DRC8: variants seen among roughly 807,000 people sequenced by gnomAD.
The protein encoded by DRC8 is dynein regulatory complex subunit 8.
the DRC8 span, among the ~76,000 whole-genome samples, chr1:244,998,068 C>T: frequency 6.6e-6 from 1 of 152,170 alleles, no homozygotes; most frequent in Non-Finnish European, 1.5e-5. Context: ...GTGACCTTCA[C>T]TTCCACTTCT....
At chr1:244,989,289 AC>A in the DRC8 span, among the ~76,000 whole-genome samples, 8 of 152,266 alleles carry the variant, frequency 5.3e-5, no homozygotes, top group East Asian at 1.2e-3. Flanking sequence ...CTTAATTTTT[AC>A]CTAATGTCCT....
the DRC8 span, among the ~76,000 whole-genome samples, chr1:245,108,549 C>A: frequency 6.6e-6 from 1 of 152,172 alleles, no homozygotes; most frequent in Non-Finnish European, 1.5e-5. Context: ...CTCCCAGTAG[C>A]CTCATTCATC....
the DRC8 span, among the ~76,000 whole-genome samples, chr1:245,030,131 A>T: frequency 6.6e-6 from 1 of 152,196 alleles, no homozygotes; most frequent in Non-Finnish European, 1.5e-5. Flanking sequence ...CTTAATGCAA[A>T]TGCACCACAA....
chr1:245,102,609 C>G, the DRC8 span, among the ~76,000 whole-genome samples: 1 of 152,216 alleles, frequency 6.6e-6, no homozygotes, highest in East Asian at 1.9e-4. Context: ...CTTGGCCTCC[C>G]AAAGTGCTGG....
At chr1:245,028,736 T>G in the DRC8 span, among the ~76,000 whole-genome samples, 1 of 152,192 alleles carries the variant, frequency 6.6e-6, no homozygotes, top group Non-Finnish European at 1.5e-5. Flanking sequence ...TTCACATGTT[T>G]AAATCCAAAG....
chr1:245,043,970 G>A, the DRC8 span: 5 of 152,250 alleles, frequency 3.3e-5, no homozygotes, highest in African/African-American at 7.2e-5. Flanking sequence ...GAACAACATC[G>A]AGAAGATGAG....
chr1:245,020,551 A>C, the DRC8 span, among the ~76,000 whole-genome samples: 25 of 151,436 alleles, frequency 1.7e-4, no homozygotes, highest in Non-Finnish European at 2.1e-4. Context: ...TAATAAATTT[A>C]AGACAGTATT....
At chr1:245,062,355 T>C in the DRC8 span, among the ~76,000 whole-genome samples, 1 of 152,254 alleles carries the variant, frequency 6.6e-6, no homozygotes, top group East Asian at 1.9e-4. Flanking sequence ...GCAAATACTT[T>C]CTGCCTTTTG....
At chr1:245,043,774 C>T in the DRC8 span, among the ~76,000 whole-genome samples, 5 of 152,210 alleles carry the variant, frequency 3.3e-5, no homozygotes. Flanking sequence ...TTTTGACTCT[C>T]AGCGTCAGTG....
chr1:244,980,040 T>C, the DRC8 span, among the ~76,000 whole-genome samples: 1 of 34,758 alleles, frequency 2.9e-5, no homozygotes, highest in Non-Finnish European at 4.7e-5. Flanking sequence ...CCGTCTCTAC[T>C]AAAAAAAAAA....
At chr1:244,989,493 G>A in the DRC8 span, among the ~76,000 whole-genome samples, 1 of 152,126 alleles carries the variant, frequency 6.6e-6, no homozygotes, top group South Asian at 2.1e-4. Context: ...GGTGGAATGG[G>A]ATTTTAGGAG....
At chr1:245,084,882 T>C in the DRC8 span, among the ~76,000 whole-genome samples, 3 of 152,220 alleles carry the variant, frequency 2.0e-5, no homozygotes, top group Admixed American at 6.5e-5. Flanking sequence ...CCGTCACAGC[T>C]GCCACCCAAG....
At chr1:244,994,270 G>A in the DRC8 span, among the ~76,000 whole-genome samples, 1 of 152,048 alleles carries the variant, frequency 6.6e-6, no homozygotes, top group Admixed American at 6.6e-5. Flanking sequence ...TTTAGTTCAG[G>A]CTTAAGGTGT....
the DRC8 span, among the ~76,000 whole-genome samples, chr1:244,991,064 G>A: frequency 6.6e-6 from 1 of 152,132 alleles, no homozygotes; most frequent in South Asian, 2.1e-4. Flanking sequence ...CTGATTAAAG[G>A]TAGTGGATCC....
At chr1:245,094,229 A>G in the DRC8 span, among the ~76,000 whole-genome samples, 1 of 152,122 alleles carries the variant, frequency 6.6e-6, no homozygotes, top group Non-Finnish European at 1.5e-5. Flanking sequence ...TTCTTACACA[A>G]CATGATGAAG....
At chr1:244,985,679 TGTG>T in the DRC8 span, among the ~76,000 whole-genome samples, 1 of 151,772 alleles carries the variant, frequency 6.6e-6, no homozygotes, top group Non-Finnish European at 1.5e-5. Context: ...GCCTGGCTAA[TGTG>T]GTGAAACCCC....
the DRC8 span, among the ~76,000 whole-genome samples, chr1:245,005,531 C>T: frequency 9.9e-5 from 15 of 151,642 alleles, no homozygotes; most frequent in Admixed American, 2.6e-4. Context: ...TTGTTAGAGA[C>T]GGGATTTCAA....
chr1:245,102,330 C>CTTTA, the DRC8 span, among the ~76,000 whole-genome samples: 112,132 of 147,344 alleles, frequency 0.76, 45,128 homozygotes, highest in Non-Finnish European at 0.88. Flanking sequence ...TCATTAGGAA[C>CTTTA]TTTATTTATT....
chr1:245,008,987 C>T, the DRC8 span, among the ~76,000 whole-genome samples: 1 of 151,140 alleles, frequency 6.6e-6, no homozygotes, highest in Non-Finnish European at 1.5e-5. Context: ...TGCACCTGGC[C>T]CTCGCACAAA....
Sources: allele counts gnomAD v4.1 joint callset (sites outside exome capture counted in the v4.1 genomes callset), GRCh38; gene constraint gnomAD v4.1.1; transcripts MANE v1.5; gene names NCBI Gene and HGNC (gene_info 2026-07-23, HGNC 2026-07-21).